Variants in CFAP20DC observed in about 807,000 individuals in gnomAD.
CFAP20DC encodes the protein CFAP20 domain containing, also known as protein CFAP20DC.
Under a neutral mutation model 101.7 loss-of-function variants are expected in CFAP20DC, and 84 were observed. The ratio of observed to expected loss-of-function variants is 0.83; its 90% CI spans 0.69 to 0.99. CFAP20DC has a LOEUF of 0.99. Among genes scored for constraint, CFAP20DC ranks in the 50% least tolerant of loss-of-function variants. The pLI, the probability that CFAP20DC is intolerant of heterozygous loss-of-function variation, is 0.00. For synonymous variants in CFAP20DC, 359 were observed against 351.2 expected, an observed-to-expected ratio of 1.02 and a Z score of -0.25; for missense variants, 1,007 against 970.3, an observed-to-expected ratio of 1.04 and a Z score of -0.50.
At chr3:58,752,140 T>C (rs146119833) in intron 16 of CFAP20DC, among the ~76,000 whole-genome samples, 1 of 152,288 alleles carries the variant, frequency 6.6e-6, no homozygotes, top group Non-Finnish European at 1.5e-5. Context: ...GCAATTAACA[T>C]GCCATTAACC....
At chr3:59,041,918 G>A (rs1046422369) in intron 3 of CFAP20DC, among the ~76,000 whole-genome samples, 1 of 152,090 alleles carries the variant, frequency 6.6e-6, no homozygotes, top group Non-Finnish European at 1.5e-5. Flanking sequence ...AGATTACTGA[G>A]CACCTACTAC....
At chr3:58,871,761 C>A (rs1014408723) in intron 7 of CFAP20DC, among the ~76,000 whole-genome samples, 1 of 152,080 alleles carries the variant, frequency 6.6e-6, no homozygotes, top group Admixed American at 6.5e-5. Context: ...CTCCTGACCT[C>A]AAGTGATCCA....
At position 58,993,208 on chromosome 3, in the gene CFAP20DC, A is replaced by G. The variant is rs142808134; in HGVS notation, c.278+46349T>C. ...CATTATTCCCTTCATTTTTAATAGAATGCTTCCTAAAATGCAGTACATATT... is the reference window on the plus strand; with the variant it reads ...CATTATTCCCTTCATTTTTAATAGAGTGCTTCCTAAAATGCAGTACATATT... On this transcript the variant is annotated intron_variant, in intron 4 of 16. Coordinates refer to ENST00000482387, the MANE Select transcript of CFAP20DC (RefSeq NM_001394063.1). 4.5e-3 allele frequency among the ~76,000 whole-genome samples: 685 copies of G among 152,316 alleles called. 5 individuals carry two copies. The highest frequency in any genetic ancestry group is 0.016 in the African/African-American group (670 of 41,560).
At chr3:58,911,850 G>C (rs2084190249) in intron 6 of CFAP20DC, among the ~76,000 whole-genome samples, 1 of 152,070 alleles carries the variant, frequency 6.6e-6, no homozygotes, top group Non-Finnish European at 1.5e-5. Flanking sequence ...TGGAGTTAGA[G>C]CAGGAACCTG....
Position 58,859,199 on chromosome 3 carries a change from A to C in CFAP20DC, c.1593+4359T>G, listed in dbSNP as rs2079060065. Among the ~76,000 whole-genome samples, 1 of 152,216 alleles carries C rather than the reference A, an allele frequency of 6.6e-6. No homozygotes were observed. Among genetic ancestry groups the C allele is most frequent in the Non-Finnish European group, 1.5e-5 (1 of 68,034 alleles). ...AACCTGCAGCATGCCTGATATTAAA[A>C]AGGTTTGGCCAAATTACTTTCATGA... On this transcript the variant is annotated intron_variant, in intron 12 of 16. Coordinates refer to ENST00000482387, the MANE Select transcript of CFAP20DC (RefSeq NM_001394063.1). This position sits in a 1 kb window ranked among gnomAD's most constrained non-coding sequence, Gnocchi z 4.1.
chr3:58,977,431 T>C (rs2092324686), intron 4 of CFAP20DC, among the ~76,000 whole-genome samples: 1 of 152,214 alleles, frequency 6.6e-6, no homozygotes, highest in Non-Finnish European at 1.5e-5. Flanking sequence ...GAAGCAAATA[T>C]TTTTCATGAG....
Position 59,015,247 on chromosome 3 carries a change from C to T in CFAP20DC, c.278+24310G>A, listed in dbSNP as rs185997054. Among the ~76,000 whole-genome samples, 37 of 152,114 alleles carry T rather than the reference C, an allele frequency of 2.4e-4. No individual in the cohort carries two copies. The highest frequency in any genetic ancestry group is 7.9e-4 in the African/African-American group (33 of 41,514). On this transcript the variant is annotated intron_variant, in intron 4 of 16. Transcript: ENST00000482387. This position sits in a 1 kb window ranked among gnomAD's most constrained non-coding sequence, Gnocchi z 5.4. Reference sequence around the variant, plus strand: ...AGCATTTACCATTTCCTGTGGCCCTCAGGCACCCACTTTCTCTTCTTGAGT... The same window carrying T: ...AGCATTTACCATTTCCTGTGGCCCTTAGGCACCCACTTTCTCTTCTTGAGT...
At chr3:59,045,957 A>G (rs1292738729) in intron 3 of CFAP20DC, among the ~76,000 whole-genome samples, 5 of 152,166 alleles carry the variant, frequency 3.3e-5, no homozygotes, top group Non-Finnish European at 7.4e-5. Context: ...AATAAATGCT[A>G]TTATTATCAT....
intron 6 of CFAP20DC, among the ~76,000 whole-genome samples, chr3:58,901,426 T>C (rs140864333): frequency 2.0e-3 from 298 of 152,324 alleles, no homozygotes; most frequent in Admixed American, 5.2e-3. Flanking sequence ...CTCTACCTTG[T>C]TGTATGTACC....
chr3:58,791,772 A>C (rs2072878665), intron 15 of CFAP20DC, among the ~76,000 whole-genome samples: 1 of 152,202 alleles, frequency 6.6e-6, no homozygotes, highest in Non-Finnish European at 1.5e-5. Flanking sequence ...TCATTAAGTG[A>C]CTGGGTTGAC....
At chr3:58,747,273 C>T (rs1222472227) in intron 16 of CFAP20DC, among the ~76,000 whole-genome samples, 1 of 152,098 alleles carries the variant, frequency 6.6e-6, no homozygotes, top group Admixed American at 6.5e-5. Flanking sequence ...ACGGCAATAA[C>T]AGAAGAAAAA....
intron 4 of CFAP20DC, among the ~76,000 whole-genome samples, chr3:58,979,471 A>T (rs1023872337): frequency 2.0e-5 from 3 of 152,226 alleles, no homozygotes; most frequent in Admixed American, 6.5e-5. Context: ...ACAACAAAGT[A>T]TTTATTCAAA....
intron 13 of CFAP20DC, among the ~76,000 whole-genome samples, chr3:58,835,605 C>T (rs141580187): frequency 7.2e-5 from 11 of 152,266 alleles, no homozygotes; most frequent in African/African-American, 2.4e-4. Flanking sequence ...TTTCATACAA[C>T]AGTAAAATGT....
intron 4 of CFAP20DC, among the ~76,000 whole-genome samples, chr3:58,948,660 G>C (rs1275889469): frequency 6.6e-6 from 1 of 152,170 alleles, no homozygotes; most frequent in East Asian, 1.9e-4. Context: ...TGGTGGATAA[G>C]CTTTTTGATG....
At chr3:58,818,678 A>G (rs1245890337) in intron 14 of CFAP20DC, among the ~76,000 whole-genome samples, 1 of 133,688 alleles carries the variant, frequency 7.5e-6, no homozygotes, top group Admixed American at 7.7e-5. Flanking sequence ...TTAGACTCCC[A>G]CACATTAATA....
intron 4 of CFAP20DC, among the ~76,000 whole-genome samples, chr3:58,995,059 T>C (rs1433012457): frequency 6.6e-6 from 1 of 152,156 alleles, no homozygotes; most frequent in Non-Finnish European, 1.5e-5. Context: ...TTTTGAAACG[T>C]TTTTCCTCCA....
chr3:58,987,786 A>G (rs1231082950), intron 4 of CFAP20DC, among the ~76,000 whole-genome samples: 1 of 151,968 alleles, frequency 6.6e-6, no homozygotes, highest in Non-Finnish European at 1.5e-5. Context: ...AGAAAAAAAT[A>G]GAAAACTTAA....
At chr3:58,978,853 T>C (rs995338476) in intron 4 of CFAP20DC, among the ~76,000 whole-genome samples, 1 of 152,136 alleles carries the variant, frequency 6.6e-6, no homozygotes, top group African/African-American at 2.4e-5. Context: ...CTGACTTCAC[T>C]AGAGAAGCAC....
intron 4 of CFAP20DC, among the ~76,000 whole-genome samples, chr3:58,976,641 C>T (rs1363965714): frequency 6.6e-6 from 1 of 152,198 alleles, no homozygotes; most frequent in Non-Finnish European, 1.5e-5. Flanking sequence ...ACATCATTCC[C>T]TCATAGTGCT....
Sources: allele counts gnomAD v4.1 joint callset (sites outside exome capture counted in the v4.1 genomes callset), GRCh38; gene constraint gnomAD v4.1.1; non-coding constraint Gnocchi (gnomAD v3.1); transcripts MANE v1.5; gene names NCBI Gene and HGNC (gene_info 2026-07-23, HGNC 2026-07-21).